The following PTPRT variants were observed in gnomAD, a reference collection of about 807,000 sequenced individuals.
The protein encoded by PTPRT is receptor-type tyrosine-protein phosphatase T.
In PTPRT, 56 loss-of-function variants were observed where a neutral mutation model predicts 176.8. The observed-to-expected ratio is 0.32, with a 90% CI of 0.26 to 0.40. The LOEUF (loss-of-function observed/expected upper bound fraction) is 0.40. PTPRT is among the 10% of genes least tolerant of loss of function. PTPRT has a pLI of 1.00. For missense variants in PTPRT, 1,540 were observed against 1,908.2 expected, an observed-to-expected ratio of 0.81 and a Z score of 3.60; for synonymous variants, 783 against 739.0, an observed-to-expected ratio of 1.06 and a Z score of -0.96.
At chr20:43,011,814 G>A (rs1334553926) in intron 1 of PTPRT, among the ~76,000 whole-genome samples, 2 of 152,174 alleles carry the variant, frequency 1.3e-5, no homozygotes, top group African/African-American at 2.4e-5. Flanking sequence ...CCCTCAATCC[G>A]GGTGGGCACC....
At chr20:42,794,640 T>C (rs772120670) in intron 2 of PTPRT, among the ~76,000 whole-genome samples, 1 of 152,182 alleles carries the variant, frequency 6.6e-6, no homozygotes, top group Non-Finnish European at 1.5e-5. Flanking sequence ...AGCACTCATC[T>C]TGGATTTTAA....
chr20:42,220,967 A>C (rs1034442814), intron 15 of PTPRT, among the ~76,000 whole-genome samples: 2 of 152,156 alleles, frequency 1.3e-5, no homozygotes, highest in African/African-American at 2.4e-5. Flanking sequence ...AGTATATTTA[A>C]AGAAATGATA....
At chr20:43,150,264 T>C (rs141912277) in intron 1 of PTPRT, among the ~76,000 whole-genome samples, 70 of 152,282 alleles carry the variant, frequency 4.6e-4, no homozygotes, top group African/African-American at 1.6e-3. Context: ...GCATAAGCTA[T>C]GGCACCCTGA....
chr20:42,228,713 C>T (rs1007581824), intron 15 of PTPRT, among the ~76,000 whole-genome samples: 1 of 152,174 alleles, frequency 6.6e-6, no homozygotes, highest in Admixed American at 6.5e-5. Flanking sequence ...GGTATCAACT[C>T]CACACATATA....
intron 12 of PTPRT, among the ~76,000 whole-genome samples, chr20:42,314,539 A>AAAG (rs1555822133): frequency 1.5e-4 from 23 of 148,878 alleles, no homozygotes; most frequent in South Asian, 4.3e-4. Flanking sequence ...AAAAAAAAAA[A>AAAG]AAAGAAAGAA....
intron 1 of PTPRT, among the ~76,000 whole-genome samples, chr20:42,932,716 GC>G (rs1979940605): frequency 6.6e-6 from 1 of 152,196 alleles, no homozygotes; most frequent in South Asian, 2.1e-4. Context: ...TCTGGCGGGG[GC>G]TTCACTGAGC....
chr20:42,571,470 T>A (rs905598598), intron 7 of PTPRT, among the ~76,000 whole-genome samples: 1 of 152,188 alleles, frequency 6.6e-6, no homozygotes, highest in African/African-American at 2.4e-5. Flanking sequence ...TAGGATGCAT[T>A]TCAGACTTCT....
At chr20:42,705,435 T>G (rs1233135306) in intron 6 of PTPRT, among the ~76,000 whole-genome samples, 11 of 112,712 alleles carry the variant, frequency 9.8e-5, no homozygotes, top group East Asian at 2.4e-4. Flanking sequence ...TGGGGGGAGG[T>G]GCGGGGGTGT....
chr20:42,629,548 G>C (rs2074364772), intron 7 of PTPRT, among the ~76,000 whole-genome samples: 1 of 152,168 alleles, frequency 6.6e-6, no homozygotes, highest in Non-Finnish European at 1.5e-5. Context: ...ACAATTGCTT[G>C]TTTTCTAATG....
At chr20:42,679,155 T>C (rs1243305498) in intron 6 of PTPRT, among the ~76,000 whole-genome samples, 1 of 152,200 alleles carries the variant, frequency 6.6e-6, no homozygotes, top group African/African-American at 2.4e-5. Context: ...CAGGCTTGGA[T>C]TGTAGCCTCT....
At chr20:42,665,650 T>C (rs1232036437) in intron 7 of PTPRT, among the ~76,000 whole-genome samples, 1 of 152,116 alleles carries the variant, frequency 6.6e-6, no homozygotes, top group Non-Finnish European at 1.5e-5. Context: ...ACATGTATGT[T>C]TATTGCGGCA....
chr20:42,598,322 C>G (rs2073712091), intron 7 of PTPRT, among the ~76,000 whole-genome samples: 1 of 152,108 alleles, frequency 6.6e-6, no homozygotes, highest in Non-Finnish European at 1.5e-5. Flanking sequence ...AGATGGCAAT[C>G]TTTATTTTCT....
intron 1 of PTPRT, among the ~76,000 whole-genome samples, chr20:43,047,325 G>C (rs916434953): frequency 6.6e-6 from 1 of 152,044 alleles, no homozygotes; most frequent in South Asian, 2.1e-4. Flanking sequence ...AGAAATATAG[G>C]CCATTTAGTT....
chr20:43,181,961 G>A (rs149930890), intron 1 of PTPRT, among the ~76,000 whole-genome samples: 91 of 152,212 alleles, frequency 6.0e-4, no homozygotes, highest in African/African-American at 2.0e-3. Flanking sequence ...AGGGGGACAC[G>A]CACAAAAGCA....
chr20:42,534,966 C>A (rs183119060), intron 7 of PTPRT, among the ~76,000 whole-genome samples: 3 of 152,312 alleles, frequency 2.0e-5, no homozygotes, highest in African/African-American at 7.2e-5. Context: ...TTCTAACCCA[C>A]TGACTCTTCC....
intron 5 of PTPRT, among the ~76,000 whole-genome samples, chr20:42,768,599 G>A (rs565619898): frequency 2.6e-5 from 4 of 152,202 alleles, no homozygotes; most frequent in South Asian, 2.1e-4. Flanking sequence ...ACAAAGCTGC[G>A]GGCTCTGTGT....
At chr20:42,345,618 GTATATA>G (rs376535646) in intron 11 of PTPRT, among the ~76,000 whole-genome samples, 34 of 105,670 alleles carry the variant, frequency 3.2e-4, no homozygotes, top group African/African-American at 1.0e-3. Flanking sequence ...GTGTGTGTGT[GTATATA>G]TATGTATGAT....
intron 1 of PTPRT, among the ~76,000 whole-genome samples, chr20:42,932,941 G>C (rs1979955648): frequency 6.6e-6 from 1 of 152,178 alleles, no homozygotes; most frequent in African/African-American, 2.4e-5. Flanking sequence ...GCATTGGTCA[G>C]CCTGCCCTCA....
intron 15 of PTPRT, among the ~76,000 whole-genome samples, chr20:42,234,277 G>A (rs994524694): frequency 4.6e-5 from 7 of 152,180 alleles, no homozygotes; most frequent in African/African-American, 1.7e-4. Context: ...AACTCTGTGA[G>A]TCAGGCACCA....
Sources: allele counts gnomAD v4.1 joint callset (sites outside exome capture counted in the v4.1 genomes callset), GRCh38; gene constraint gnomAD v4.1.1; transcripts MANE v1.5; gene names NCBI Gene and HGNC (gene_info 2026-07-23, HGNC 2026-07-21).